The following MTMR14 variants were observed in gnomAD, a reference collection of about 807,000 sequenced individuals.
The protein encoded by MTMR14 is myotubularin related protein 14, also known as phosphatidylinositol-3,5-bisphosphate 3-phosphatase MTMR14.
In MTMR14, 48 loss-of-function variants were observed where a neutral mutation model predicts 86.3. The ratio of observed to expected loss-of-function variants is 0.56; its 90% CI spans 0.44 to 0.71. The LOEUF is 0.71. Among genes scored for constraint, MTMR14 ranks in the 30% least tolerant of loss-of-function variants. MTMR14 has a pLI of 0.00. For missense variants in MTMR14, 780 were observed against 834.6 expected, an observed-to-expected ratio of 0.93 and a Z score of 0.81; for synonymous variants, 366 against 326.1, an observed-to-expected ratio of 1.12 and a Z score of -1.32.
rs766546844 is a variant in MTMR14 at position 9,687,886 on chromosome 3, C to G, written c.1230C>G (p.Thr410=). Reference sequence around the variant, plus strand: ...CCGAGGAGTTCTCTGCTCTGAAGACCCAGAGGTAAGTGGAGGCCTGCACGT... The same window carrying G: ...CCGAGGAGTTCTCTGCTCTGAAGACGCAGAGGTAAGTGGAGGCCTGCACGT... ...ITSEEFSALK[T]QRRKSLPARD... is the part of the protein sequence containing the mutation. The change falls in exon 14 of 19, where the codon ACC becomes ACG. Residue 410 remains threonine, a synonymous_variant. Coordinates refer to ENST00000296003, the MANE Select transcript of MTMR14 (RefSeq NM_001077525.3). The G allele has an allele frequency of 4.4e-6, 7 of 1,587,480 alleles. No individual in the cohort carries two copies. The South Asian group carries it at 5.7e-5, about 13-fold the overall frequency.
chr3:9,654,612 G>A (rs774796876), intron 2 of MTMR14, among the ~76,000 whole-genome samples: 21 of 152,232 alleles, frequency 1.4e-4, no homozygotes, highest in Non-Finnish European at 2.4e-4. Context: ...ACTTCCTGCT[G>A]ATTTTAAGGG....
rs987050360 is a variant in MTMR14 at position 9,697,834 on chromosome 3, C to T, written c.1737C>T (p.Phe579=). Residue 579 remains phenylalanine, a synonymous_variant, in exon 18 of 19, where the codon TTC becomes TTT. Coordinates refer to ENST00000296003, the MANE Select transcript of MTMR14 (RefSeq NM_001077525.3). ...AVLHTDSSLP[F]SFPDELPNSC... Reference sequence around the variant, plus strand: ...TGCACACAGACTCCTCTCTCCCTTTCAGCTTCCCGGATGAGCTCCCTAACA... The same window carrying T: ...TGCACACAGACTCCTCTCTCCCTTTTAGCTTCCCGGATGAGCTCCCTAACA... 3.1e-6 allele frequency: 5 copies of T among 1,614,118 alleles called. No homozygotes were observed. The African/African-American group carries it at 5.3e-5, about 17-fold the overall frequency.
chr3:9,685,009 T>G, intron 12 of MTMR14, 45 bp downstream of exon 12: 3 of 1,584,528 alleles, frequency 1.9e-6, no homozygotes, highest in Non-Finnish European at 2.6e-6. Flanking sequence ...AGTAACAGTT[T>G]CTATATGTGA....
chr3:9,657,787 G>A (rs1224482572), intron 2 of MTMR14, among the ~76,000 whole-genome samples: 2 of 152,098 alleles, frequency 1.3e-5, no homozygotes, highest in Non-Finnish European at 2.9e-5. Context: ...CTGACCTCGT[G>A]ATCCACTGGT....
intron 2 of MTMR14, 42 bp downstream of exon 2, chr3:9,653,811 G>A (rs141641998): frequency 1.1e-5 from 17 of 1,613,302 alleles, no homozygotes; most frequent in Admixed American, 8.3e-5. Flanking sequence ...TGGGGAGTCC[G>A]TGGCAGCTAA....
chr3:9,680,357 C>T (rs1227472109), intron 9 of MTMR14, among the ~76,000 whole-genome samples: 3 of 152,226 alleles, frequency 2.0e-5, no homozygotes, highest in African/African-American at 4.8e-5. Context: ...CCTGGGGCCT[C>T]ACTGAGGAGT....
Position 9,669,461 on chromosome 3 carries a change from G to C in MTMR14, c.523G>C (p.Glu175Gln), listed in dbSNP as rs775303222. ...TGCAGATGATGCCTGGGCAGATGTG[G>C]AGGACGTCACGGAGGAGGACTGTGC... ...GGADDAWADV[E>Q]DVTEEDCALR... Residue 175 changes from glutamate (E) to glutamine (Q), a missense_variant, in exon 5 of 19, where the codon GAG becomes CAG. Glu to Gln is a conservative substitution (Grantham distance 29, BLOSUM62 2). Coordinates refer to ENST00000296003, the MANE Select transcript of MTMR14 (RefSeq NM_001077525.3). 3.7e-6 allele frequency: 6 copies of C among 1,613,862 alleles called. No homozygotes were observed. Among genetic ancestry groups the C allele is most frequent in the Non-Finnish European group, 5.1e-6 (6 of 1,179,892 alleles).
At chr3:9,683,486 G>T (rs2075837823) in intron 10 of MTMR14, 3 of 514,272 alleles carry the variant, frequency 5.8e-6, no homozygotes, top group Non-Finnish European at 1.1e-5. Context: ...GCCGTGCACA[G>T]GGTATTTTCA....
Position 9,662,269 on chromosome 3 carries a change from T to C in MTMR14, c.311T>C (p.Phe104Ser). The change falls in exon 3 of 19, where the codon TTT (phenylalanine) becomes TCT (serine). Residue 104 changes from phenylalanine to serine, a missense_variant and splice_region_variant. By Grantham distance (155) the Phe-to-Ser change is radical (BLOSUM62 -2). Coordinates refer to ENST00000296003, the MANE Select transcript of MTMR14 (RefSeq NM_001077525.3). ...TGCTTCTCTTGCCTGTGTGTTAGGT[T>C]TGAGAGTACCGTACAGGTGAGCAAG... ...YESSEKEKDT[F>S]ESTVQVSKLQ... The C allele has an allele frequency of 6.2e-7, 1 of 1,612,770 alleles. No homozygotes were observed. The highest frequency in any genetic ancestry group is 8.5e-7 in the Non-Finnish European group (1 of 1,179,704).
At chr3:9,672,826 C>T (rs2048647608) in intron 7 of MTMR14, 68 bp downstream of exon 7, 1 of 1,451,552 alleles carries the variant, frequency 6.9e-7, no homozygotes. Flanking sequence ...AGCAAGCCCT[C>T]TCTACTTAGT....
rs765482938 is a variant in MTMR14, at chr3:9,685,232, C to T, written c.1149C>T (p.Leu383=). 2 of 1,614,070 alleles carry T rather than the reference C, an allele frequency of 1.2e-6. No individual in the cohort carries two copies. The highest frequency in any genetic ancestry group is 1.7e-6 in the Non-Finnish European group (2 of 1,180,022). ...TCAGGCACATGTTGGTAGATCGGCTCAGCAAAGGGGAGGAGGTGAGTATAC... is the reference window on the plus strand; with the variant it reads ...TCAGGCACATGTTGGTAGATCGGCTTAGCAAAGGGGAGGAGGTGAGTATAC... The part of the protein sequence containing the change: ...FLFGHMLVDR[L]SKGEEIFFFC... Residue 383 remains leucine (L), a synonymous_variant, in exon 13 of 19, where the codon CTC becomes CTT. Transcript: ENST00000296003.
chr3:9,682,907 G>A (rs1349996487), intron 9 of MTMR14, among the ~76,000 whole-genome samples: 1 of 151,074 alleles, frequency 6.6e-6, no homozygotes, highest in Non-Finnish European at 1.5e-5. Flanking sequence ...ATCCGTTTCT[G>A]TTCCTCACTC....
intron 9 of MTMR14, among the ~76,000 whole-genome samples, chr3:9,682,694 A>T (rs562574108): frequency 6.6e-6 from 1 of 152,258 alleles, no homozygotes; most frequent in Non-Finnish European, 1.5e-5. Context: ...CAAATGAAGC[A>T]TGTTTGAAAA....
chr3:9,680,091 C>A (rs1202446739), intron 9 of MTMR14, among the ~76,000 whole-genome samples: 1 of 152,222 alleles, frequency 6.6e-6, no homozygotes, highest in Non-Finnish European at 1.5e-5. Context: ...CTGATCCATA[C>A]CTGCATCACC....
intron 17 of MTMR14, among the ~76,000 whole-genome samples, chr3:9,693,324 A>G (rs1185840440): frequency 6.6e-6 from 1 of 152,220 alleles, no homozygotes; most frequent in African/African-American, 2.4e-5. Context: ...GATTTAAAGC[A>G]TATGGGAGGA....
chr3:9,655,325 C>G lies in MTMR14; in HGVS notation c.308+1556C>G, dbSNP rs563663949. On this transcript the variant is annotated intron_variant, in intron 2 of 18. Coordinates refer to ENST00000296003, the MANE Select transcript of MTMR14 (RefSeq NM_001077525.3). ...GAGGTTGCAGTGAGCCGAGATTGCA[C>G]CACTGCACTCCAGCCTGGGCAACAG... Among the ~76,000 whole-genome samples, 3 of 151,626 alleles carry G rather than the reference C, an allele frequency of 2.0e-5. No individual in the cohort carries two copies. The East Asian group carries it at 5.9e-4, about 30-fold the overall frequency.
chr3:9,651,397 C>G (rs1161825465), intron 1 of MTMR14, among the ~76,000 whole-genome samples: 1 of 152,194 alleles, frequency 6.6e-6, no homozygotes, highest in East Asian at 1.9e-4. Flanking sequence ...GCCGCCACAC[C>G]TGGCCAGTAA....
chr3:9,676,764 T>G (rs2075594121), intron 7 of MTMR14, among the ~76,000 whole-genome samples: 1 of 152,218 alleles, frequency 6.6e-6, no homozygotes, highest in Admixed American at 6.5e-5. Context: ...TATAGAAAAG[T>G]GCCTCTTTGC....
intron 2 of MTMR14, among the ~76,000 whole-genome samples, chr3:9,655,279 A>G (rs999493496): frequency 6.6e-6 from 1 of 151,292 alleles, no homozygotes. Flanking sequence ...AGGCAGGAGA[A>G]TCGCTTGAAC....
Sources: allele counts gnomAD v4.1 joint callset (sites outside exome capture counted in the v4.1 genomes callset), GRCh38; gene constraint gnomAD v4.1.1; transcripts MANE v1.5; gene names NCBI Gene and HGNC (gene_info 2026-07-23, HGNC 2026-07-21).